IQSEC1: variants seen among roughly 807,000 people sequenced by gnomAD.
IQSEC1 encodes the protein IQ motif and SEC7 domain-containing protein 1.
A neutral mutation model predicts 91.0 loss-of-function variants in IQSEC1; 31 were observed. The ratio of observed to expected loss-of-function variants is 0.34; its 90% CI spans 0.26 to 0.46. IQSEC1 has a LOEUF of 0.46. IQSEC1 is among the 20% of genes least tolerant of loss of function. The pLI, the probability that IQSEC1 is intolerant of heterozygous loss-of-function variation, is 1.00. For synonymous variants in IQSEC1, 699 were observed against 662.6 expected, an observed-to-expected ratio of 1.05 and a Z score of -0.84; for missense variants, 1,388 against 1,575.6, an observed-to-expected ratio of 0.88 and a Z score of 2.02.
At chr3:13,171,157 A>C (rs955386953) in intron 1 of IQSEC1, among the ~76,000 whole-genome samples, 1 of 152,174 alleles carries the variant, frequency 6.6e-6, no homozygotes, top group African/African-American at 2.4e-5. Context: ...TCCCTGAGGA[A>C]ATCCGCAGTG....
chr3:12,973,549 A>T (rs949768984), intron 1 of IQSEC1, among the ~76,000 whole-genome samples: 2 of 152,196 alleles, frequency 1.3e-5, no homozygotes, highest in Non-Finnish European at 2.9e-5. Flanking sequence ...GGTTCCAGAC[A>T]GCTACCACAG....
At chr3:13,020,978 A>G (rs1703370340) in intron 1 of IQSEC1, among the ~76,000 whole-genome samples, 1 of 152,266 alleles carries the variant, frequency 6.6e-6, no homozygotes, top group African/African-American at 2.4e-5. Context: ...AGGAATGCTT[A>G]TAAAGTTTAT....
At chr3:12,981,570 T>C (rs1701464873) in intron 1 of IQSEC1, among the ~76,000 whole-genome samples, 1 of 152,364 alleles carries the variant, frequency 6.6e-6, no homozygotes, top group South Asian at 2.1e-4. Flanking sequence ...TACCCTTTTG[T>C]ATCTTTTGAA....
chr3:12,938,285 G>T (rs1437986242), intron 2 of IQSEC1, among the ~76,000 whole-genome samples: 1 of 152,220 alleles, frequency 6.6e-6, no homozygotes, highest in Admixed American at 6.5e-5. Context: ...AGGAGCGAGG[G>T]GTCTGTCAAG....
At chr3:13,134,960 C>G (rs951576944) in intron 2 of IQSEC1, among the ~76,000 whole-genome samples, 3 of 152,156 alleles carry the variant, frequency 2.0e-5, no homozygotes, top group Non-Finnish European at 4.4e-5. Context: ...CAAGGGGGAT[C>G]ACCCCATGAG....
chr3:12,959,938 T>C (rs1700140875), intron 1 of IQSEC1, among the ~76,000 whole-genome samples: 1 of 152,110 alleles, frequency 6.6e-6, no homozygotes, highest in Admixed American at 6.6e-5. Context: ...CAAACCCTGC[T>C]CATTTAAATG....
intron 1 of IQSEC1, among the ~76,000 whole-genome samples, chr3:12,964,299 T>TACACAC (rs3072719): frequency 0.01 from 1,529 of 149,886 alleles, 10 homozygotes; most frequent in African/African-American, 0.019. Flanking sequence ...ATACTCCCCC[T>TACACAC]ACACACACAC....
rs1388087498 is a variant in IQSEC1 at position 12,936,572 on chromosome 3, T to G, written c.444A>C (p.Ser148=). The change falls in exon 3 of 14, where the codon TCA becomes TCC. Residue 148 remains serine (S), a synonymous_variant. Transcript: ENST00000613206. ...KNFERLRSSM[S]ENRMSRRIVL... ...CAATCCGGCGTGACATGCGGTTCTC[T>G]GACATGGAGCTGCGCAAGCGCTCGA... The G allele has an allele frequency of 6.2e-7, 1 of 1,613,318 alleles. No individual in the cohort carries two copies. Among genetic ancestry groups the G allele is most frequent in the Non-Finnish European group, 8.5e-7 (1 of 1,180,032 alleles).
intron 1 of IQSEC1, among the ~76,000 whole-genome samples, chr3:13,014,851 T>A (rs1205461391): frequency 6.6e-6 from 1 of 152,124 alleles, no homozygotes; most frequent in African/African-American, 2.4e-5. Flanking sequence ...CTGGATCATT[T>A]CAGAAAGATA....
At chr3:13,014,893 G>C (rs115216321) in intron 1 of IQSEC1, among the ~76,000 whole-genome samples, 3,448 of 152,282 alleles carry the variant, frequency 0.023, 55 homozygotes, top group Non-Finnish European at 0.036. Context: ...GGGGCTCCTG[G>C]GGGGACACAT....
At chr3:12,973,014 T>C (rs957254021) in intron 1 of IQSEC1, among the ~76,000 whole-genome samples, 3 of 152,218 alleles carry the variant, frequency 2.0e-5, no homozygotes, top group African/African-American at 7.2e-5. Context: ...ATCTTTAAAA[T>C]TCCAACCATT....
Position 12,924,648 on chromosome 3 carries a change from G to A in IQSEC1, c.1663C>T (p.Leu555Phe), listed in dbSNP as rs1696953165. ...AACTCGCCGATCATCTGCCGGCTGA[G>A]GCCCTTGCGCTGCAGCAGGAAGTGG... ...VAHFLLQRKG[L>F]SRQMIGEFLG... The change falls in exon 4 of 14, where the codon CTC becomes TTC. Residue 555 changes from leucine to phenylalanine, a missense_variant. This residue lies in a region of IQSEC1 where 1,059 missense variants were observed against 1,317.8 expected (regional missense o/e 0.80). Transcript: ENST00000613206. This position sits in a 1 kb window ranked among gnomAD's most constrained non-coding sequence, Gnocchi z 6.3. 2 of 1,611,256 alleles carry A rather than the reference G, an allele frequency of 1.2e-6. No individual in the cohort carries two copies. The highest frequency in any genetic ancestry group is 2.2e-5 in the East Asian group (1 of 44,710).
At chr3:13,119,059 G>C (rs913959098) in intron 2 of IQSEC1, among the ~76,000 whole-genome samples, 1 of 151,512 alleles carries the variant, frequency 6.6e-6, no homozygotes, top group Non-Finnish European at 1.5e-5. Context: ...TGGCAACAGA[G>C]CAAGACTCTG....
At chr3:13,052,657 C>A (rs1704732408) in intron 1 of IQSEC1, among the ~76,000 whole-genome samples, 1 of 152,186 alleles carries the variant, frequency 6.6e-6, no homozygotes, top group Non-Finnish European at 1.5e-5. Flanking sequence ...CTCACACTCC[C>A]ACCAGCAACG....
Position 12,967,810 on chromosome 3 carries a change from C to T in IQSEC1, c.24-25945G>A, listed in dbSNP as rs1430778928. 4.2e-6 allele frequency: 2 copies of T among 477,886 alleles called. No individual in the cohort carries two copies. Among genetic ancestry groups the T allele is most frequent in the Non-Finnish European group, 5.4e-6 (2 of 373,664 alleles). 29.6% of individuals were successfully genotyped at this position (477,886 alleles called of 1,614,324 possible). The stretch of plus-strand genomic sequence containing the variant: ...GGCGAGCTGGGGGCGGGGCTGCGCG[C>T]GGGGGCGAGACTGCACGGAGCGTGT... On this transcript the variant is annotated intron_variant, in intron 1 of 13. Coordinates refer to ENST00000613206, the MANE Select transcript of IQSEC1 (RefSeq NM_001134382.3). The surrounding 1 kb of genome is among the most constrained non-coding windows in gnomAD (Gnocchi z 5.9).
At chr3:12,934,501 C>A (rs1389494355) in intron 3 of IQSEC1, among the ~76,000 whole-genome samples, 1 of 152,166 alleles carries the variant, frequency 6.6e-6, no homozygotes, top group Non-Finnish European at 1.5e-5. Context: ...CCATTCATCA[C>A]CCTAGTTTGA....
At chr3:13,177,621 T>C in intron 1 of IQSEC1, among the ~76,000 whole-genome samples, 1 of 152,232 alleles carries the variant, frequency 6.6e-6, no homozygotes, top group East Asian at 1.9e-4. Flanking sequence ...GATCTTTTTG[T>C]GTGGCCCCTG....
At chr3:12,907,570 A>G (rs1264843440) in intron 12 of IQSEC1, among the ~76,000 whole-genome samples, 1 of 152,104 alleles carries the variant, frequency 6.6e-6, no homozygotes, top group Non-Finnish European at 1.5e-5. Context: ...CACAGCCTGC[A>G]GCGGCACGAG....
In IQSEC1 at chr3:13,114,404, A is replaced by G. The variant is rs118127044; in HGVS notation, c.302+49700T>C. Reference sequence around the variant, plus strand: ...ACAGGGAGAGAAGGACTGGCCACAGAAGATGTTAACAGGTGGGGGACCCAG... The same window carrying G: ...ACAGGGAGAGAAGGACTGGCCACAGGAGATGTTAACAGGTGGGGGACCCAG... On this transcript the variant is annotated intron_variant, in intron 2 of 15. Transcript: ENST00000648114. 1.2e-3 allele frequency among the ~76,000 whole-genome samples: 182 copies of G among 152,340 alleles called. 1 individual carries two copies. The East Asian group carries it at 0.023, about 19-fold the overall frequency.
Sources: gnomAD v4.1 joint callset for allele counts (sites outside exome capture counted in the v4.1 genomes callset) on GRCh38, gnomAD v4.1.1 for gene constraint, gnomAD v4.1.1 regional missense constraint, Gnocchi (gnomAD v3.1) non-coding constraint, MANE v1.5 for transcripts, NCBI Gene and HGNC (gene_info 2026-07-23, HGNC 2026-07-21) for gene names.